Variants in PYGL observed in about 807,000 individuals in gnomAD.
The protein encoded by PYGL is glycogen phosphorylase L.
In PYGL, 90 loss-of-function variants were observed where a neutral mutation model predicts 100.1. That is an observed-to-expected ratio of 0.90 (90% CI 0.76 to 1.07). The LOEUF is 1.07. Among genes scored for constraint, PYGL ranks in the 50% least tolerant of loss-of-function variants. The pLI, the probability that PYGL is intolerant of heterozygous loss-of-function variation, is 0.00. For synonymous variants in PYGL, 373 were observed against 393.0 expected, an observed-to-expected ratio of 0.95 and a Z score of 0.60; for missense variants, 1,016 against 1,057.6, an observed-to-expected ratio of 0.96 and a Z score of 0.55.
chr14:50,941,947 G>A (rs2050705502), intron 1 of PYGL, among the ~76,000 whole-genome samples: 2 of 152,152 alleles, frequency 1.3e-5, no homozygotes, highest in East Asian at 1.9e-4. Flanking sequence ...TTAACGTACT[G>A]AGTTTGAGGA....
At chr14:50,909,028 C>G in intron 17 of PYGL, 73 bp from the exon 18 acceptor site, 1 of 1,454,992 alleles carries the variant, frequency 6.9e-7, no homozygotes, top group South Asian at 1.2e-5. Flanking sequence ...ACACACTAGA[C>G]ACTGCATTCA....
chr14:50,906,418 T>G (rs2050337185), intron 19 of PYGL, among the ~76,000 whole-genome samples: 1 of 152,246 alleles, frequency 6.6e-6, no homozygotes. Context: ...GCTTTCTCTC[T>G]TCATTTTCTT....
chr14:50,914,746 G>A lies in PYGL; in HGVS notation c.1473C>T (p.Arg491=). ...GTCCTGGGTTGCAGAGTAGGAGCCA[G>A]CGCCTTGGAGTGATCCCATTGGTTT... ...QNKTNGITPR[R]WLLLCNPGLA... is the part of the protein sequence containing the mutation. Residue 491 remains arginine (R), a synonymous_variant, in exon 12 of 20, where the codon CGC becomes CGT. Transcript: ENST00000216392. The A allele has an allele frequency of 6.2e-7, 1 of 1,614,100 alleles. No homozygotes were observed. Among genetic ancestry groups the A allele is most frequent in the Non-Finnish European group, 8.5e-7 (1 of 1,179,988 alleles).
chr14:50,907,295 T>C (rs1379983420), intron 19 of PYGL, among the ~76,000 whole-genome samples: 1 of 152,158 alleles, frequency 6.6e-6, no homozygotes, highest in Non-Finnish European at 1.5e-5. Context: ...TTATATTCTA[T>C]TGATACAGCC....
In PYGL at chr14:50,944,212, C is replaced by T; in HGVS notation, c.192G>A (p.Leu64=). Residue 64 remains leucine (L), a synonymous_variant, in exon 1 of 20, where the codon CTG becomes CTA. Transcript: ENST00000216392. ...FALAHTVRDH[L]VGRWIRTQQH... ...GCTGCGTGCGGATCCAGCGCCCCAC[C>T]AGGTGGTCGCGCACCGTGTGCGCCA... 1 of 1,612,354 alleles carries T rather than the reference C, an allele frequency of 6.2e-7. No individual in the cohort carries two copies. The highest frequency in any genetic ancestry group is 8.5e-7 in the Non-Finnish European group (1 of 1,179,832).
At chr14:50,941,344 T>A (rs2050700340) in intron 1 of PYGL, among the ~76,000 whole-genome samples, 2 of 151,976 alleles carry the variant, frequency 1.3e-5, no homozygotes, top group South Asian at 4.2e-4. Context: ...ACAAAGTATG[T>A]CTGCTATCCT....
chr14:50,911,708 T>G, intron 16 of PYGL, 22 bp downstream of exon 16: 4 of 1,613,954 alleles, frequency 2.5e-6, no homozygotes, highest in Non-Finnish European at 3.4e-6. Context: ...GGCCCCTGCA[T>G]ATTTTGCAAT....
At position 50,937,788 on chromosome 14, in the gene PYGL, T is replaced by C; in HGVS notation, c.293A>G (p.Asn98Ser). 1 of 1,614,112 alleles carries C rather than the reference T, an allele frequency of 6.2e-7. No individual in the cohort carries two copies. Among genetic ancestry groups the C allele is most frequent in the South Asian group, 1.1e-5 (1 of 91,078 alleles). ...LEFYMGRTLQ[N>S]TMINLGLQNA... ...TTGCAGACCGAGGTTGATCATGGTG[T>C]TCTGTAATGTTCGGCCCATGTAAAA... Residue 98 changes from asparagine (N) to serine (S), a missense_variant, in exon 2 of 20, where the codon AAC becomes AGC. Physicochemically the swap from Asn to Ser is conservative, Grantham distance 46. Transcript: ENST00000216392.
At chr14:50,930,276 A>T (rs2050590747) in intron 4 of PYGL, among the ~76,000 whole-genome samples, 1 of 152,204 alleles carries the variant, frequency 6.6e-6, no homozygotes, top group Admixed American at 6.5e-5. Context: ...TGTTTTTATA[A>T]TAATTCTGTA....
intron 18 of PYGL, 36 bp from the exon 19 acceptor site, chr14:50,908,373 C>T: frequency 1.3e-6 from 2 of 1,486,156 alleles, no homozygotes; most frequent in Non-Finnish European, 1.9e-6. Flanking sequence ...AAAAAACAGT[C>T]AAAATCTTCA....
At chr14:50,917,845 C>T (rs1435399008) in intron 7 of PYGL, among the ~76,000 whole-genome samples, 1 of 152,226 alleles carries the variant, frequency 6.6e-6, no homozygotes, top group Non-Finnish European at 1.5e-5. Context: ...ATGGTCCTAA[C>T]CCTGAGCCAT....
intron 13 of PYGL, among the ~76,000 whole-genome samples, chr14:50,912,643 G>A (rs1373345368): frequency 6.6e-6 from 1 of 152,050 alleles, no homozygotes; most frequent in East Asian, 1.9e-4. Context: ...CGCCCGGCTG[G>A]GTGGTCTGTT....
chr14:50,912,503 T>G (rs1364659181), intron 13 of PYGL, 200 bp from the exon 14 acceptor site: 3 of 643,508 alleles, frequency 4.7e-6, no homozygotes, highest in Non-Finnish European at 7.9e-6. Context: ...CACTACTGCC[T>G]GGCTAATTTT....
chr14:50,936,719 A>G (rs2050656076), intron 2 of PYGL, among the ~76,000 whole-genome samples: 1 of 151,702 alleles, frequency 6.6e-6, no homozygotes, highest in South Asian at 2.1e-4. Context: ...TGAGGCTGGG[A>G]GGTGGAGATT....
At chr14:50,908,209 A>G in intron 19 of PYGL, 62 bp downstream of exon 19, 2 of 1,372,646 alleles carry the variant, frequency 1.5e-6, no homozygotes, top group Non-Finnish European at 2.1e-6. Flanking sequence ...TAATTAAAAA[A>G]CCCACATTTT....
intron 1 of PYGL, among the ~76,000 whole-genome samples, chr14:50,942,974 A>G (rs1389780419): frequency 1.3e-5 from 2 of 152,204 alleles, no homozygotes; most frequent in Non-Finnish European, 2.9e-5. Flanking sequence ...GGTGAAGAAG[A>G]GTTACTTTCC....
At position 50,917,060 on chromosome 14, in the gene PYGL, C is replaced by A. The variant is rs1373122258; in HGVS notation, c.901G>T (p.Val301Leu). ...ATGATATCTTGCAAGGTTGCAGCCA[C>A]CACAAAGTATTCCTGCTTCAATCTT... ...ELRLKQEYFV[V>L]AATLQDIIRR... The change falls in exon 8 of 20, where the codon GTG becomes TTG. Residue 301 changes from valine to leucine, a missense_variant. By Grantham distance (32) the Val-to-Leu change is conservative. Transcript: ENST00000216392. 1 of 1,613,844 alleles carries A rather than the reference C, an allele frequency of 6.2e-7. No homozygotes were observed. Among genetic ancestry groups the A allele is most frequent in the East Asian group, 2.2e-5 (1 of 44,880 alleles).
chr14:50,905,950 T>C lies in PYGL; in HGVS notation c.2380-394A>G, dbSNP rs142455370. Among the ~76,000 whole-genome samples, 638 of 152,318 alleles carry C rather than the reference T, an allele frequency of 4.2e-3. 7 individuals are homozygous for C. Among genetic ancestry groups the C allele is most frequent in the African/African-American group, 0.013 (548 of 41,574 alleles). On this transcript the variant is annotated intron_variant, in intron 19 of 19. Coordinates refer to ENST00000216392, the MANE Select transcript of PYGL (RefSeq NM_002863.5). ...GCTAAATGCCATGTCAAGAGACTTA[T>C]CCTATGGCTCATAGAGTTTGAAAAA...
intron 17 of PYGL, 123 bp downstream of exon 17, chr14:50,909,772 C>T: frequency 9.1e-7 from 1 of 1,094,672 alleles, no homozygotes; most frequent in South Asian, 1.3e-5. Flanking sequence ...AGATGTTCTG[C>T]TGCCACCTCT....
Sources: gnomAD v4.1 joint callset for allele counts (sites outside exome capture counted in the v4.1 genomes callset) on GRCh38, gnomAD v4.1.1 for gene constraint, MANE v1.5 for transcripts, NCBI Gene and HGNC (gene_info 2026-07-23, HGNC 2026-07-21) for gene names.